ALDH1A2: variants seen among roughly 807,000 people sequenced by gnomAD.
ALDH1A2 encodes the protein retinal dehydrogenase 2.
ALDH1A2 carries 27 observed loss-of-function variants against 60.3 expected under a neutral mutation model. The ratio of observed to expected loss-of-function variants is 0.45; its 90% CI spans 0.33 to 0.62. The LOEUF is 0.62. ALDH1A2 is among the 20% of genes least tolerant of loss of function. The probability of loss-of-function intolerance (pLI) is 0.02; values close to 1 mark genes in which losing one functional copy is unlikely to be tolerated. For synonymous variants in ALDH1A2, 289 were observed against 232.4 expected (o/e 1.24, Z -2.21); for missense variants, 581 against 643.8 (o/e 0.90, Z 1.06).
chr15:57,969,980 C>G (rs1446367406), intron 7 of ALDH1A2, among the ~76,000 whole-genome samples: 1 of 152,196 alleles, frequency 6.6e-6, no homozygotes, highest in Non-Finnish European at 1.5e-5. Context: ...CCTCCTGGGT[C>G]TCAGCTTCTG....
chr15:57,975,420 AC>A (rs2140466405), intron 7 of ALDH1A2, among the ~76,000 whole-genome samples: 1 of 152,236 alleles, frequency 6.6e-6, no homozygotes, highest in African/African-American at 2.4e-5. Context: ...AATGTGTAGA[AC>A]CAGAAGTGTT....
At chr15:57,965,049 A>G (rs1893849000) in intron 8 of ALDH1A2, among the ~76,000 whole-genome samples, 1 of 151,372 alleles carries the variant, frequency 6.6e-6, no homozygotes, top group Non-Finnish European at 1.5e-5. Context: ...AGATGGTGGG[A>G]TTTCCTTACC....
chr15:58,026,106 AGAC>A (rs1896073166), intron 1 of ALDH1A2, among the ~76,000 whole-genome samples: 1 of 152,216 alleles, frequency 6.6e-6, no homozygotes, highest in Non-Finnish European at 1.5e-5. Context: ...TACCAAAATC[AGAC>A]AAGGATACAA....
intron 7 of ALDH1A2, among the ~76,000 whole-genome samples, chr15:57,969,076 A>C (rs1434355925): frequency 1.3e-5 from 2 of 152,210 alleles, no homozygotes; most frequent in Non-Finnish European, 2.9e-5. Context: ...ATAGTTCAAG[A>C]AAGAACGGGA....
intron 10 of ALDH1A2, among the ~76,000 whole-genome samples, chr15:57,961,568 T>G (rs1010257677): frequency 1.1e-4 from 16 of 152,318 alleles, no homozygotes; most frequent in Admixed American, 6.5e-4. Context: ...GAAGAGCAAG[T>G]GGCATCCTCC....
chr15:57,981,504 T>C (rs977579568), intron 7 of ALDH1A2, among the ~76,000 whole-genome samples: 2 of 152,250 alleles, frequency 1.3e-5, no homozygotes, highest in East Asian at 1.9e-4. Flanking sequence ...ATTCTTACTA[T>C]ATGCCAAGCA....
chr15:58,020,730 T>C (rs1895903953), intron 1 of ALDH1A2, among the ~76,000 whole-genome samples: 1 of 152,188 alleles, frequency 6.6e-6, no homozygotes, highest in African/African-American at 2.4e-5. Context: ...TCAAATGTAG[T>C]ATTTATTTGA....
At chr15:58,064,969 C>G (rs1395642599) in intron 1 of ALDH1A2, among the ~76,000 whole-genome samples, 1 of 152,218 alleles carries the variant, frequency 6.6e-6, no homozygotes, top group East Asian at 1.9e-4. Flanking sequence ...ACATGAAACG[C>G]TGACGTTGGA....
At chr15:58,044,946 A>C (rs1166393604) in intron 1 of ALDH1A2, among the ~76,000 whole-genome samples, 4 of 152,110 alleles carry the variant, frequency 2.6e-5, no homozygotes, top group Admixed American at 2.6e-4. Flanking sequence ...TCGGTATCCC[A>C]GACTGAAAAA....
intron 3 of ALDH1A2, chr15:58,012,182 G>C (rs1209477372): frequency 6.6e-6 from 1 of 151,988 alleles, no homozygotes; most frequent in South Asian, 2.1e-4. Flanking sequence ...AAAAAGAAAG[G>C]CATTTGAGTT....
chr15:57,995,486 AGTT>A (rs1304344283), intron 4 of ALDH1A2, among the ~76,000 whole-genome samples: 1 of 152,132 alleles, frequency 6.6e-6, no homozygotes, highest in Non-Finnish European at 1.5e-5. Context: ...CATGTAGAAC[AGTT>A]GTTTGATTTA....
At chr15:58,019,020 T>C (rs781203473) in intron 1 of ALDH1A2, among the ~76,000 whole-genome samples, 3 of 152,202 alleles carry the variant, frequency 2.0e-5, no homozygotes, top group Non-Finnish European at 4.4e-5. Flanking sequence ...ATTTTGTCAA[T>C]GTTAATTTCC....
intron 11 of ALDH1A2, 146 bp from the exon 12 acceptor site, chr15:57,960,990 G>T: frequency 7.5e-7 from 1 of 1,328,900 alleles, no homozygotes; most frequent in East Asian, 2.4e-5. Flanking sequence ...TTTGATTTCT[G>T]GATCTAAGCA....
intron 7 of ALDH1A2, among the ~76,000 whole-genome samples, chr15:57,974,592 T>C (rs965355284): frequency 6.6e-6 from 1 of 152,084 alleles, no homozygotes; most frequent in Admixed American, 6.6e-5. Flanking sequence ...ATCTAGCACT[T>C]GGATCCTTAC....
intron 1 of ALDH1A2, among the ~76,000 whole-genome samples, chr15:58,041,568 T>C (rs553531927): frequency 2.4e-4 from 37 of 152,032 alleles, no homozygotes; most frequent in African/African-American, 7.9e-4. Flanking sequence ...TTTTGGTTCA[T>C]AGATGGTGCA....
intron 1 of ALDH1A2, among the ~76,000 whole-genome samples, chr15:58,061,624 A>AAAAAAAAAAAAAAAAAG (rs1897041037): frequency 6.7e-6 from 1 of 150,024 alleles, no homozygotes; most frequent in African/African-American, 2.4e-5. Flanking sequence ...AAAAAAAAAA[A>AAAAAAAAAAAAAAAAAG]AACGGAACAA....
intron 7 of ALDH1A2, among the ~76,000 whole-genome samples, chr15:57,972,648 C>T (rs1199901178): frequency 2.0e-5 from 3 of 152,108 alleles, no homozygotes; most frequent in African/African-American, 2.4e-5. Context: ...CTATACCATA[C>T]TTATTCTTCA....
chr15:58,005,464 T>C (rs748621208), intron 4 of ALDH1A2, among the ~76,000 whole-genome samples: 4 of 151,990 alleles, frequency 2.6e-5, no homozygotes, highest in Admixed American at 6.6e-5. Context: ...TAAATGAATG[T>C]ATGAAGAAAT....
chr15:58,024,895 C>A (rs529341780), intron 1 of ALDH1A2, among the ~76,000 whole-genome samples: 1 of 152,200 alleles, frequency 6.6e-6, no homozygotes, highest in East Asian at 1.9e-4. Context: ...ACTCTGGAAA[C>A]GATACAAATA....
Sources: gnomAD v4.1 joint callset for allele counts (sites outside exome capture counted in the v4.1 genomes callset) on GRCh38, gnomAD v4.1.1 for gene constraint, MANE v1.5 for transcripts, NCBI Gene and HGNC (gene_info 2026-07-23, HGNC 2026-07-21) for gene names.